The following CCDC80 variants were observed in gnomAD, a reference collection of about 807,000 sequenced individuals.
CCDC80 encodes coiled-coil domain containing 80.
CCDC80 carries 49 observed loss-of-function variants against 78.7 expected under a neutral mutation model. The observed-to-expected ratio is 0.62, with a 90% CI of 0.50 to 0.79. CCDC80 has a LOEUF of 0.79. CCDC80 is among the 30% of genes least tolerant of loss of function. CCDC80 has a pLI of 0.00. For synonymous variants in CCDC80, 488 were observed against 447.0 expected, an observed-to-expected ratio of 1.09 and a Z score of -1.16; for missense variants, 1,205 against 1,198.6, an observed-to-expected ratio of 1.01 and a Z score of -0.08.
rs1369107185 is a variant in CCDC80, at chr3:112,597,912, T to G, written c.*7505A>C. On this transcript the variant is annotated 3_prime_UTR_variant, in exon 8 of 8. Transcript: ENST00000206423. Reference sequence around the variant, plus strand: ...TAGTCTGAGCCTCTGTACAGAGAAATGTCAGTTTTGTATTCCTGGTTCCTG... The same window carrying G: ...TAGTCTGAGCCTCTGTACAGAGAAAGGTCAGTTTTGTATTCCTGGTTCCTG... 2 of 152,178 alleles carry G rather than the reference T, an allele frequency of 1.3e-5. No individual in the cohort carries two copies. Among genetic ancestry groups the G allele is most frequent in the African/African-American group, 4.8e-5 (2 of 41,440 alleles). The allele number at this position is 152,178 out of a possible 1,614,324, so 9.4% of individuals were successfully genotyped here.
chr3:112,612,927 ATC>A (rs1394604692), intron 5 of CCDC80, among the ~76,000 whole-genome samples: 1 of 149,762 alleles, frequency 6.7e-6, no homozygotes, highest in Non-Finnish European at 1.5e-5. Flanking sequence ...TATTTACTAA[ATC>A]TCTTTCTGGT....
At position 112,638,034 on chromosome 3, in the gene CCDC80, T is replaced by G; in HGVS notation, c.1872A>C (p.Arg624Ser). The G allele has an allele frequency of 6.3e-7, 1 of 1,599,272 alleles. No individual in the cohort carries two copies. Residue 624 changes from arginine to serine, a missense_variant, in exon 2 of 8, where the codon AGA (arginine) becomes AGC (serine). Coordinates refer to ENST00000206423, the MANE Select transcript of CCDC80 (RefSeq NM_199511.3). ...DLLGSFEGKR[R>S]LLLITAPKAE... is the part of the protein sequence containing the mutation. Reference sequence around the variant, plus strand: ...CAAGGAGAAGGCTACTTACAAGGAGTCTTCGTTTGCCTTCAAAGGACCCCA... The same window carrying G: ...CAAGGAGAAGGCTACTTACAAGGAGGCTTCGTTTGCCTTCAAAGGACCCCA...
At chr3:112,607,480 A>AAAAAGAAAAG (rs943402235) in intron 6 of CCDC80, among the ~76,000 whole-genome samples, 4 of 152,308 alleles carry the variant, frequency 2.6e-5, no homozygotes, top group African/African-American at 9.6e-5. Context: ...CTAAATGACA[A>AAAAAGAAAAG]AAAAGAAAAG....
chr3:112,605,210 A>G lies in CCDC80; in HGVS notation c.*207T>C. The G allele has an allele frequency of 2.2e-6, 1 of 458,598 alleles. No homozygotes were observed. The highest frequency in any genetic ancestry group is 3.8e-6 in the Non-Finnish European group (1 of 262,618). 28.4% of individuals were successfully genotyped at this position (458,598 alleles called of 1,614,324 possible). ...TAGCACTAGAGCCCCTCCAGTTAGA[A>G]AAACAATTCTTTTAAATGTCTTTAT... On this transcript the variant is annotated 3_prime_UTR_variant, in exon 8 of 8. Coordinates refer to ENST00000206423, the MANE Select transcript of CCDC80 (RefSeq NM_199511.3).
chr3:112,635,482 G>T (rs1413356627), intron 2 of CCDC80, among the ~76,000 whole-genome samples: 1 of 152,174 alleles, frequency 6.6e-6, no homozygotes, highest in African/African-American at 2.4e-5. Context: ...GAGTGGAAAA[G>T]GCTAAACAGC....
chr3:112,598,975 G>A lies in CCDC80; in HGVS notation c.*6442C>T, dbSNP rs1935330454. On this transcript the variant is annotated 3_prime_UTR_variant, in exon 8 of 8. Transcript: ENST00000206423. Reference sequence around the variant, plus strand: ...AATCTGGAACTGGGTTCTGAACTGAGAAGTCTGGGTTCCCTGAGAATTGGA... The same window carrying A: ...AATCTGGAACTGGGTTCTGAACTGAAAAGTCTGGGTTCCCTGAGAATTGGA... 1 of 152,230 alleles carries A rather than the reference G, an allele frequency of 6.6e-6. No individual in the cohort carries two copies. Among genetic ancestry groups the A allele is most frequent in the African/African-American group, 2.4e-5 (1 of 41,444 alleles). 9.4% of individuals were successfully genotyped at this position (152,230 alleles called of 1,614,324 possible).
At chr3:112,632,457 G>C (rs190627980) in intron 2 of CCDC80, among the ~76,000 whole-genome samples, 1 of 152,270 alleles carries the variant, frequency 6.6e-6, no homozygotes, top group Non-Finnish European at 1.5e-5. Context: ...ATCTGTTTCT[G>C]TAACTTCAAA....
At position 112,638,547 on chromosome 3, in the gene CCDC80, G is replaced by A; in HGVS notation, c.1359C>T (p.Pro453=). 1 of 1,614,078 alleles carries A rather than the reference G, an allele frequency of 6.2e-7. No homozygotes were observed. Among genetic ancestry groups the A allele is most frequent in the Non-Finnish European group, 8.5e-7 (1 of 1,180,004 alleles). ...TNAPPTTISE[P]STRAAGPGRF... ...GGCCTGGGCCAGCAGCCCTTGTGCT[G>A]GGTTCTGAGATGGTGGTGGGAGGGG... Residue 453 remains proline, a synonymous_variant, in exon 2 of 8, where the codon CCC becomes CCT. Coordinates refer to ENST00000206423, the MANE Select transcript of CCDC80 (RefSeq NM_199511.3).
chr3:112,616,642 G>A, intron 5 of CCDC80, 68 bp downstream of exon 5: 1 of 1,559,346 alleles, frequency 6.4e-7, no homozygotes, highest in East Asian at 2.2e-5. Context: ...GTGTTTCTTT[G>A]GCATTTTCAT....
Position 112,639,696 on chromosome 3 carries a change from G to A in CCDC80, c.210C>T (p.Asn70=), listed in dbSNP as rs747620779. 2.0e-5 allele frequency: 32 copies of A among 1,614,072 alleles called. No homozygotes were observed. Among genetic ancestry groups the A allele is most frequent in the Admixed American group, 3.3e-5 (2 of 60,004 alleles). The change falls in exon 2 of 8, where the codon AAC becomes AAT. Residue 70 remains asparagine (N), a synonymous_variant. Transcript: ENST00000206423. The stretch of plus-strand genomic sequence containing the variant: ...TCCTCCTTCTCTGGAGAGGCTGAAG[G>A]TTTGGTTCCTCCAGAGTGGATCTCT... The part of the protein sequence containing the change: ...GIERSTLEEP[N]LQPLQRRRSV...
chr3:112,638,920 T>C lies in CCDC80; in HGVS notation c.986A>G (p.Lys329Arg). ...QVPPTRESRVKVLRKLAATAP... is the reference protein window; with the variant it reads ...QVPPTRESRVRVLRKLAATAP... ...AGTGGCGGCCAGTTTTCTCAGGACC[T>C]TCACCCGACTCTCTCTGGTTGGTGG... Residue 329 changes from lysine (K) to arginine (R), a missense_variant, in exon 2 of 8, where the codon AAG becomes AGG. Lys to Arg is a conservative substitution (Grantham distance 26). Coordinates refer to ENST00000206423, the MANE Select transcript of CCDC80 (RefSeq NM_199511.3). The C allele has an allele frequency of 6.2e-7, 1 of 1,613,308 alleles. No homozygotes were observed. Among genetic ancestry groups the C allele is most frequent in the South Asian group, 1.1e-5 (1 of 91,070 alleles).
chr3:112,633,279 T>C (rs545524783), intron 2 of CCDC80, among the ~76,000 whole-genome samples: 9 of 152,318 alleles, frequency 5.9e-5, no homozygotes, highest in African/African-American at 1.9e-4. Flanking sequence ...CCTCTGTCTT[T>C]GCCCAAGTCA....
intron 3 of CCDC80, among the ~76,000 whole-genome samples, chr3:112,620,878 C>T (rs34694961): frequency 0.081 from 12,317 of 152,146 alleles, 853 homozygotes; most frequent in African/African-American, 0.17. Context: ...GTTCATTCAA[C>T]GAAATATTTA....
At position 112,610,051 on chromosome 3, in the gene CCDC80, G is replaced by T. The variant is rs1285859719; in HGVS notation, c.2352C>A (p.Ile784=). 6.2e-7 allele frequency: 1 copy of T among 1,613,668 alleles called. No homozygotes were observed. Among genetic ancestry groups the T allele is most frequent in the Non-Finnish European group, 8.5e-7 (1 of 1,179,974 alleles). The part of the protein sequence containing the change: ...RFRWRRRLLV[I]SAPNDEDWAY... ...CCCAGTCTTCATCGTTAGGAGCAGA[G>T]ATCACCAGCAACCTCCTCCTCCACC... Residue 784 remains isoleucine (I), a synonymous_variant, in exon 6 of 8, where the codon ATC becomes ATA. Transcript: ENST00000206423.
chr3:112,639,091 ATCT>A lies in CCDC80; in HGVS notation c.812_814del (p.Lys271del), dbSNP rs1473834572. ...TTTCTGGACAAAGCCCTTCTGCCTG[ATCT>A]TCTCGATCCTACGGATGGGGCCTTG... On this transcript the variant is annotated inframe_deletion, in exon 2 of 8. Transcript: ENST00000206423. 6.2e-7 allele frequency: 1 copy of A among 1,613,706 alleles called. No homozygotes were observed. The highest frequency in any genetic ancestry group is 1.7e-5 in the Admixed American group (1 of 60,010).
intron 6 of CCDC80, among the ~76,000 whole-genome samples, chr3:112,608,294 T>C (rs1005346207): frequency 2.6e-5 from 4 of 152,208 alleles, no homozygotes; most frequent in Admixed American, 1.3e-4. Context: ...AAGTGAACAC[T>C]GCCATGGGAG....
chr3:112,632,756 A>G (rs1936122626), intron 2 of CCDC80, among the ~76,000 whole-genome samples: 1 of 152,108 alleles, frequency 6.6e-6, no homozygotes, highest in Non-Finnish European at 1.5e-5. Flanking sequence ...TTCACTGCAG[A>G]CCCTTTGCCC....
At chr3:112,610,744 T>G (rs974099238) in intron 5 of CCDC80, among the ~76,000 whole-genome samples, 1 of 152,104 alleles carries the variant, frequency 6.6e-6, no homozygotes, top group African/African-American at 2.4e-5. Context: ...GGAATGATAT[T>G]AAGCCTAGAA....
At chr3:112,623,612 ATTT>A (rs1935910211) in intron 3 of CCDC80, among the ~76,000 whole-genome samples, 1 of 152,198 alleles carries the variant, frequency 6.6e-6, no homozygotes, top group African/African-American at 2.4e-5. Context: ...AGGAATCTGC[ATTT>A]AAAAAATTTC....
Sources: allele counts gnomAD v4.1 joint callset (sites outside exome capture counted in the v4.1 genomes callset), GRCh38; gene constraint gnomAD v4.1.1; transcripts MANE v1.5; gene names NCBI Gene and HGNC (gene_info 2026-07-23, HGNC 2026-07-21).